The following RGS3 variants were observed in gnomAD, a reference collection of about 807,000 sequenced individuals.
RGS3 encodes the protein regulator of G protein signaling 3, also known as regulator of G-protein signalling 3.
RGS3 carries 80 observed loss-of-function variants against 132.6 expected under a neutral mutation model. The ratio of observed to expected loss-of-function variants is 0.60; its 90% CI spans 0.50 to 0.73. RGS3 has a LOEUF of 0.73. Ranked by LOEUF, RGS3 falls within the 30% of genes least tolerant of loss-of-function variation. The pLI is 0.00. For missense variants in RGS3, 1,382 were observed against 1,530.8 expected, an observed-to-expected ratio of 0.90 and a Z score of 1.62; for synonymous variants, 598 against 620.6, an observed-to-expected ratio of 0.96 and a Z score of 0.54.
chr9:113,445,771 T>C (rs972206483), intron 1 of RGS3, among the ~76,000 whole-genome samples: 14 of 152,208 alleles, frequency 9.2e-5, no homozygotes, highest in Non-Finnish European at 1.5e-4. Context: ...CTCCGCCGCC[T>C]GGGTTCAAGC....
Position 113,454,880 on chromosome 9 carries a change from A to C in RGS3, c.-12-5365A>C, listed in dbSNP as rs1829333005. Among the ~76,000 whole-genome samples, 4 of 152,036 alleles carry C rather than the reference A, an allele frequency of 2.6e-5. No homozygotes were observed. In the South Asian group the frequency reaches 8.3e-4, roughly 32 times the overall value. ...TGAGCTTTAAAGATTGTTCCCTGTAATTCTTTGGTGGTTCTTTCCCCAGCC... is the reference window on the plus strand; with the variant it reads ...TGAGCTTTAAAGATTGTTCCCTGTACTTCTTTGGTGGTTCTTTCCCCAGCC... On this transcript the variant is annotated intron_variant, in intron 1 of 25. Coordinates refer to the RGS3 transcript ENST00000374140.
chr9:113,463,798 A>T lies in RGS3; in HGVS notation c.415+1597A>T. The T allele has an allele frequency of 6.2e-7, 1 of 1,607,240 alleles. No individual in the cohort carries two copies. The highest frequency in any genetic ancestry group is 8.5e-7 in the Non-Finnish European group (1 of 1,177,658). ...ACGCTCCTGTCCGGGTCGCAGTGGG[A>T]CGCCATGGAGCGCTCCCTGCACCGC... On this transcript the variant is annotated intron_variant, in intron 3 of 24. Transcript: ENST00000350696. This position sits in a 1 kb window ranked among gnomAD's most constrained non-coding sequence, Gnocchi z 4.6.
rs1272260071 is a variant in RGS3, at chr9:113,514,491, C to T, written c.1511C>T (p.Thr504Ile). 1 of 1,614,208 alleles carries T rather than the reference C, an allele frequency of 6.2e-7. No individual in the cohort carries two copies. The highest frequency in any genetic ancestry group is 8.5e-7 in the Non-Finnish European group (1 of 1,180,024). ...AGTCCCAGTAAAGGGAAGTCCTACA[C>T]AGGCCTGGGGAAGAAGTCCCGGCTG... is the stretch of plus-strand genomic sequence containing the variant. The change falls in exon 15 of 25, where the codon ACA becomes ATA. Residue 504 changes from threonine (T) to isoleucine (I), a missense_variant. Physicochemically the swap from Thr to Ile is moderately conservative, Grantham distance 89 (BLOSUM62 -1). Coordinates refer to ENST00000350696, the Ensembl canonical transcript of RGS3.
At chr9:113,496,378 G>A (rs911008881) in intron 8 of RGS3, among the ~76,000 whole-genome samples, 2 of 152,042 alleles carry the variant, frequency 1.3e-5, no homozygotes, top group Non-Finnish European at 2.9e-5. Context: ...TTTCTACGCT[G>A]CACTGGACTC....
At chr9:113,448,404 C>T (rs1829161184) in intron 1 of RGS3, among the ~76,000 whole-genome samples, 1 of 152,186 alleles carries the variant, frequency 6.6e-6, no homozygotes, top group Admixed American at 6.5e-5. Flanking sequence ...TCTAATGAAC[C>T]ATGTCCTCTC....
intron 1 of RGS3, among the ~76,000 whole-genome samples, chr9:113,447,150 T>A (rs1829119433): frequency 6.7e-6 from 1 of 149,136 alleles, no homozygotes; most frequent in South Asian, 2.1e-4. Flanking sequence ...TAGTCCCAGC[T>A]ACTTGGGAGG....
At chr9:113,511,232 C>T (rs1831385913) in intron 14 of RGS3, among the ~76,000 whole-genome samples, 1 of 152,154 alleles carries the variant, frequency 6.6e-6, no homozygotes, top group African/African-American at 2.4e-5. Flanking sequence ...CCAGGGCTCG[C>T]CTCAGAATCT....
chr9:113,565,419 G>A lies in RGS3; in HGVS notation c.2038-18031G>A. ...AAGAGGAGGAGGACAAGTAGGAGGA[G>A]GAGGAAGAGGAGGAGGGACGGGTGA... On this transcript the variant is annotated intron_variant, in intron 19 of 24. Transcript: ENST00000350696. This position sits in a 1 kb window ranked among gnomAD's most constrained non-coding sequence, Gnocchi z 5.7. 7.9e-7 allele frequency: 1 copy of A among 1,272,926 alleles called. No homozygotes were observed. The highest frequency in any genetic ancestry group is 1.0e-6 in the Non-Finnish European group (1 of 973,390). 78.9% of individuals were successfully genotyped at this position (1,272,926 alleles called of 1,614,324 possible).
At chr9:113,501,303 G>C in intron 10 of RGS3, 6 of 822,048 alleles carry the variant, frequency 7.3e-6, no homozygotes, top group Non-Finnish European at 8.7e-6. Flanking sequence ...TCTCCCCGCC[G>C]GGCCCGGGGA....
At chr9:113,532,092 G>C (rs1161898054) in intron 18 of RGS3, among the ~76,000 whole-genome samples, 1 of 152,218 alleles carries the variant, frequency 6.6e-6, no homozygotes, top group African/African-American at 2.4e-5. Flanking sequence ...TGAAAGGTCT[G>C]TGCTTGGCTG....
intron 18 of RGS3, among the ~76,000 whole-genome samples, chr9:113,531,944 A>T (rs1832486518): frequency 6.6e-6 from 1 of 152,228 alleles, no homozygotes; most frequent in African/African-American, 2.4e-5. Context: ...GATACAGTTA[A>T]TTCAGGAGCA....
chr9:113,587,301 G>A (rs957797707), intron 20 of RGS3, among the ~76,000 whole-genome samples: 10 of 152,296 alleles, frequency 6.6e-5, no homozygotes, highest in African/African-American at 2.4e-4. Flanking sequence ...GCTTTGGCCT[G>A]GCTCTTCTGG....
intron 3 of RGS3, among the ~76,000 whole-genome samples, chr9:113,466,856 CATT>C (rs1829660185): frequency 6.6e-6 from 1 of 152,168 alleles, no homozygotes; most frequent in Non-Finnish European, 1.5e-5. Flanking sequence ...CAAAAAGAGA[CATT>C]ATGCTCTTTA....
intron 6 of RGS3, among the ~76,000 whole-genome samples, chr9:113,484,953 C>T (rs530241047): frequency 2.6e-5 from 4 of 152,278 alleles, no homozygotes; most frequent in South Asian, 4.1e-4. Flanking sequence ...CTCACAGATA[C>T]GCCCTACTGT....
Position 113,579,297 on chromosome 9 carries a change from TG to T in RGS3, c.2038-4151del, listed in dbSNP as rs1351994112. Among the ~76,000 whole-genome samples the T allele has an allele frequency of 1.3e-5, 2 of 152,210 alleles. No homozygotes were observed. The highest frequency in any genetic ancestry group is 4.1e-4 in the South Asian group (2 of 4,832). ...GCATCTGGGGCCCAGGAGCCAAAGC[TG>T]GTATGAGTGTGAACTCTGGGTGTCA... On this transcript the variant is annotated intron_variant, in intron 19 of 24. Coordinates refer to ENST00000350696, the Ensembl canonical transcript of RGS3. The surrounding 1 kb of genome is among the most constrained non-coding windows in gnomAD (Gnocchi z 4.3).
chr9:113,546,155 T>A (rs931260167), intron 19 of RGS3, among the ~76,000 whole-genome samples: 1 of 152,158 alleles, frequency 6.6e-6, no homozygotes, highest in Non-Finnish European at 1.5e-5. Flanking sequence ...ACACCATAAA[T>A]TTTCCCCTTC....
At chr9:113,446,462 T>C (rs886798111) in intron 1 of RGS3, among the ~76,000 whole-genome samples, 1 of 152,232 alleles carries the variant, frequency 6.6e-6, no homozygotes. Flanking sequence ...GAAAATGACA[T>C]GCTTTCCTTG....
At chr9:113,460,286 T>G (rs1276272331) in exon 1 of RGS3, 2 of 631,628 alleles carry the variant, frequency 3.2e-6, no homozygotes, top group Non-Finnish European at 4.6e-6. Context: ...TTTGGGAGGT[T>G]GAGATGGGCA....
chr9:113,449,872 A>G (rs1406971613), intron 1 of RGS3, among the ~76,000 whole-genome samples: 9 of 151,132 alleles, frequency 6.0e-5, no homozygotes. Context: ...CCTCCTGAGT[A>G]GCTGGGACTA....
Sources: gnomAD v4.1 joint callset for allele counts (sites outside exome capture counted in the v4.1 genomes callset) on GRCh38, gnomAD v4.1.1 for gene constraint, Gnocchi (gnomAD v3.1) non-coding constraint, MANE v1.5 for transcripts, NCBI Gene and HGNC (gene_info 2026-07-23, HGNC 2026-07-21) for gene names.